SEM1: variants seen among roughly 807,000 people sequenced by gnomAD.
SEM1 encodes 26S proteasome complex subunit SEM1.
Under a neutral mutation model 12.7 loss-of-function variants are expected in SEM1, and 3 were observed. The observed-to-expected ratio is 0.24, with a 90% CI of 0.11 to 0.61. The LOEUF (loss-of-function observed/expected upper bound fraction) is 0.61. Among genes scored for constraint, SEM1 ranks in the 20% least tolerant of loss-of-function variants. The pLI, the probability that SEM1 is intolerant of heterozygous loss-of-function variation, is 0.88. For synonymous variants in SEM1, 30 were observed against 27.8 expected, an observed-to-expected ratio of 1.08 and a Z score of -0.25; for missense variants, 59 against 81.3, an observed-to-expected ratio of 0.73 and a Z score of 1.06.
chr7:96,548,734 G>A (rs74411063), intron 2 of SEM1, among the ~76,000 whole-genome samples: 1,985 of 152,104 alleles, frequency 0.013, 39 homozygotes, highest in African/African-American at 0.046. Context: ...TACTTTCCCC[G>A]TTTTGCCCAT....
chr7:96,516,155 C>A (rs1804089675), intron 2 of SEM1, among the ~76,000 whole-genome samples: 1 of 151,820 alleles, frequency 6.6e-6, no homozygotes, highest in Non-Finnish European at 1.5e-5. Flanking sequence ...CTAGAAGATA[C>A]CATAAGAAAA....
chr7:96,544,496 A>T (rs1412753093), intron 2 of SEM1, among the ~76,000 whole-genome samples: 1 of 152,012 alleles, frequency 6.6e-6, no homozygotes, highest in Non-Finnish European at 1.5e-5. Context: ...TAAATTCCTT[A>T]AAAATAGTAT....
At chr7:96,615,586 T>C (rs1584807246) in intron 2 of SEM1, among the ~76,000 whole-genome samples, 1 of 152,200 alleles carries the variant, frequency 6.6e-6, no homozygotes, top group Non-Finnish European at 1.5e-5. Context: ...GAGTCCATCA[T>C]CAATTTTTTA....
upstream of SEM1, chr7:96,496,412 A>T: frequency 1.4e-6 from 1 of 695,188 alleles, no homozygotes. Context: ...AAATGCTGAA[A>T]AATAATCTAA....
chr7:96,561,670 A>G (rs937372248), intron 2 of SEM1, among the ~76,000 whole-genome samples: 1 of 152,210 alleles, frequency 6.6e-6, no homozygotes, highest in Non-Finnish European at 1.5e-5. Context: ...TTTTCACTTA[A>G]CAGTAGCTTT....
At chr7:96,513,122 G>A (rs752119379) in intron 2 of SEM1, among the ~76,000 whole-genome samples, 2 of 152,026 alleles carry the variant, frequency 1.3e-5, no homozygotes, top group Non-Finnish European at 2.9e-5. Flanking sequence ...ATAAAAATGG[G>A]AAGTTTGGAT....
At chr7:96,533,268 T>C (rs759191670) in intron 2 of SEM1, among the ~76,000 whole-genome samples, 1 of 152,032 alleles carries the variant, frequency 6.6e-6, no homozygotes, top group African/African-American at 2.4e-5. Flanking sequence ...GCAAAACCCA[T>C]GCTGACCTTG....
intron 3 of SEM1, among the ~76,000 whole-genome samples, chr7:96,505,901 A>G (rs867332666): frequency 6.6e-6 from 1 of 152,114 alleles, no homozygotes; most frequent in African/African-American, 2.4e-5. Context: ...GCAGTTACCC[A>G]TTGGCATATA....
intron 2 of SEM1, among the ~76,000 whole-genome samples, chr7:96,682,639 A>C (rs1789648132): frequency 6.6e-6 from 1 of 152,098 alleles, no homozygotes; most frequent in South Asian, 2.1e-4. Flanking sequence ...TAAAACACCA[A>C]AGAAATGGCA....
chr7:96,503,342 C>CT (rs1356589168), intron 3 of SEM1: 4 of 152,152 alleles, frequency 2.6e-5, no homozygotes, highest in Non-Finnish European at 5.9e-5. Context: ...ATAGCACAGA[C>CT]TTGAAAGTAA....
intron 2 of SEM1, among the ~76,000 whole-genome samples, chr7:96,527,531 A>G (rs1171497669): frequency 6.6e-6 from 1 of 152,126 alleles, no homozygotes; most frequent in Non-Finnish European, 1.5e-5. Flanking sequence ...ATAATTTGCC[A>G]GGTAAAAATA....
intron 2 of SEM1, among the ~76,000 whole-genome samples, chr7:96,575,508 C>A (rs1806174270): frequency 6.6e-6 from 1 of 152,194 alleles, no homozygotes; most frequent in Non-Finnish European, 1.5e-5. Context: ...CTGGGAGATC[C>A]ACTGCTCTGT....
At chr7:96,611,811 A>G (rs1291941018) in intron 2 of SEM1, among the ~76,000 whole-genome samples, 5 of 152,192 alleles carry the variant, frequency 3.3e-5, no homozygotes, top group Non-Finnish European at 7.3e-5. Flanking sequence ...ATCCGGTGCT[A>G]GCTGGCCCAA....
At chr7:96,697,590 A>ATTCT (rs1192252856) in intron 1 of SEM1, among the ~76,000 whole-genome samples, 3 of 152,178 alleles carry the variant, frequency 2.0e-5, no homozygotes, top group Admixed American at 2.0e-4. Flanking sequence ...AGAGTATCGA[A>ATTCT]TTCTTATTCC....
chr7:96,579,864 A>C lies in SEM1; in HGVS notation c.171-73166T>G, dbSNP rs183882859. ...AATAGGGGAAATTGGTGAAGGGTGC[A>C]TAGGACCTCTGTATTATCTCTGCAA... On this transcript the variant is annotated intron_variant and NMD_transcript_variant, in intron 2 of 3. Transcript: ENST00000466986. Among the ~76,000 whole-genome samples, 274 of 152,282 alleles carry C rather than the reference A, an allele frequency of 1.8e-3. 5 individuals are homozygous for C. Among genetic ancestry groups the C allele is most frequent in the Admixed American group, 0.015 (230 of 15,288 alleles).
intron 2 of SEM1, among the ~76,000 whole-genome samples, chr7:96,661,759 G>C (rs964113622): frequency 2.0e-5 from 3 of 151,928 alleles, no homozygotes; most frequent in Non-Finnish European, 2.9e-5. Flanking sequence ...AGGCCGAGGC[G>C]GGCAGATCAC....
At chr7:96,635,215 T>C (rs1465262323) in intron 2 of SEM1, among the ~76,000 whole-genome samples, 2 of 152,064 alleles carry the variant, frequency 1.3e-5, no homozygotes. Flanking sequence ...TGCATGATAC[T>C]AAGAAGACTA....
chr7:96,578,645 G>A (rs1806286769), intron 2 of SEM1, among the ~76,000 whole-genome samples: 5 of 152,180 alleles, frequency 3.3e-5, no homozygotes, highest in Admixed American at 3.3e-4. Context: ...CAAGACATTG[G>A]TAAAGATATG....
chr7:96,660,740 T>G (rs574055512), intron 2 of SEM1, among the ~76,000 whole-genome samples: 1 of 152,136 alleles, frequency 6.6e-6, no homozygotes, highest in Non-Finnish European at 1.5e-5. Context: ...TCTAAGGAAA[T>G]CCATATTCAA....
Sources: allele counts gnomAD v4.1 joint callset (sites outside exome capture counted in the v4.1 genomes callset), GRCh38; gene constraint gnomAD v4.1.1; transcripts MANE v1.5; gene names NCBI Gene and HGNC (gene_info 2026-07-23, HGNC 2026-07-21).